Variants in ANKS1A observed in about 807,000 individuals in gnomAD.
The protein encoded by ANKS1A is ankyrin repeat and sterile alpha motif domain containing 1A.
ANKS1A carries 55 observed loss-of-function variants against 120.3 expected under a neutral mutation model. The observed-to-expected ratio is 0.46, with a 90% confidence interval of 0.37 to 0.57. The LOEUF is 0.57. Among genes scored for constraint, ANKS1A ranks in the 20% least tolerant of loss-of-function variants. ANKS1A has a pLI of 0.00. For missense variants in ANKS1A, 1,123 were observed against 1,480.3 expected (o/e 0.76, Z 3.96); for synonymous variants, 590 against 604.7 (o/e 0.98, Z 0.36).
At chr6:34,989,426 G>T (rs1772393713) in intron 9 of ANKS1A, 110 bp downstream of exon 9, 11 of 1,006,628 alleles carry the variant, frequency 1.1e-5, no homozygotes, top group Non-Finnish European at 1.5e-5. Flanking sequence ...CAGCTCTTTG[G>T]ATTATAAATT....
intron 13 of ANKS1A, among the ~76,000 whole-genome samples, chr6:35,066,558 T>G (rs1554157330): frequency 1.4e-5 from 2 of 147,842 alleles, no homozygotes; most frequent in Non-Finnish European, 1.5e-5. Flanking sequence ...GGGGTCAGAG[T>G]GGGGGGGTGC....
At chr6:35,048,911 C>T (rs941024944) in intron 11 of ANKS1A, among the ~76,000 whole-genome samples, 1 of 152,180 alleles carries the variant, frequency 6.6e-6, no homozygotes, top group East Asian at 1.9e-4. Flanking sequence ...GCAAGGCCAT[C>T]GAGCCAGAGG....
At chr6:35,096,292 C>G (rs893930040), downstream of ANKS1A, among the ~76,000 whole-genome samples, 2 of 152,212 alleles carry the variant, frequency 1.3e-5, no homozygotes, top group Non-Finnish European at 1.5e-5. Context: ...ACATCCCTCC[C>G]TCCTGGGATG....
chr6:34,985,400 C>A, intron 8 of ANKS1A, 122 bp downstream of exon 8: 1 of 925,326 alleles, frequency 1.1e-6, no homozygotes, highest in Non-Finnish European at 1.6e-6. Context: ...GGGCCTGGAG[C>A]CCACTTATTC....
intron 13 of ANKS1A, among the ~76,000 whole-genome samples, chr6:35,071,252 A>T (rs1220584142): frequency 1.4e-5 from 2 of 142,160 alleles, no homozygotes; most frequent in African/African-American, 2.9e-5. Context: ...AAATGTATGA[A>T]ATCAAAGGGA....
chr6:34,895,539 A>G (rs1404019119), intron 1 of ANKS1A, among the ~76,000 whole-genome samples: 3 of 152,120 alleles, frequency 2.0e-5, no homozygotes, highest in Non-Finnish European at 2.9e-5. Context: ...GAAAGTGCCT[A>G]TTTTGAGCAA....
chr6:34,921,478 T>C (rs1224984405), intron 1 of ANKS1A, among the ~76,000 whole-genome samples: 1 of 152,206 alleles, frequency 6.6e-6, no homozygotes, highest in African/African-American at 2.4e-5. Context: ...TCCAGCCTTT[T>C]TATAACATCG....
At chr6:35,079,023 C>T (rs1777518124) in intron 14 of ANKS1A, among the ~76,000 whole-genome samples, 1 of 152,176 alleles carries the variant, frequency 6.6e-6, no homozygotes, top group African/African-American at 2.4e-5. Flanking sequence ...GCACTGAGCC[C>T]TGGCACCGGG....
intron 11 of ANKS1A, among the ~76,000 whole-genome samples, chr6:35,039,302 G>A (rs1269774220): frequency 2.7e-5 from 4 of 149,076 alleles, no homozygotes; most frequent in East Asian, 2.0e-4. Flanking sequence ...GGGTTCAAGC[G>A]ATTCTCCTGT....
intron 13 of ANKS1A, among the ~76,000 whole-genome samples, chr6:35,063,010 T>C (rs1776592729): frequency 6.6e-6 from 1 of 152,218 alleles, no homozygotes; most frequent in South Asian, 2.1e-4. Context: ...CCATGCCCTC[T>C]TATTCTCCTC....
At chr6:34,902,689 G>A (rs1224664242) in intron 1 of ANKS1A, among the ~76,000 whole-genome samples, 1 of 151,692 alleles carries the variant, frequency 6.6e-6, no homozygotes, top group African/African-American at 2.4e-5. Flanking sequence ...TGTAGTCCCA[G>A]CTACTCGGGA....
In ANKS1A at chr6:35,050,510, A is replaced by AT. The variant is rs1002952350; in HGVS notation, c.2011-3580dup. Among the ~76,000 whole-genome samples, 10 of 151,744 alleles carry AT rather than the reference A, an allele frequency of 6.6e-5. No homozygotes were observed. The highest frequency in any genetic ancestry group is 1.7e-4 in the African/African-American group (7 of 41,310). On this transcript the variant is annotated intron_variant, in intron 11 of 23. Transcript: ENST00000360359. The surrounding 1 kb of genome is among the most constrained non-coding windows in gnomAD (Gnocchi z 4.3). Reference sequence around the variant, plus strand: ...ATTTCTGGGAAAGCTGCCTGTTCAGATTTTTTTTTAACTTAAAGCTAGGAG... The same window carrying AT: ...ATTTCTGGGAAAGCTGCCTGTTCAGATTTTTTTTTTAACTTAAAGCTAGGAG...
At chr6:34,991,403 C>T (rs1249177542) in intron 9 of ANKS1A, among the ~76,000 whole-genome samples, 2 of 151,942 alleles carry the variant, frequency 1.3e-5, no homozygotes, top group Admixed American at 6.6e-5. Context: ...GAAGTTGCAG[C>T]TGCTGGAGTA....
chr6:34,896,526 A>G (rs991036932), intron 1 of ANKS1A, among the ~76,000 whole-genome samples: 1 of 152,240 alleles, frequency 6.6e-6, no homozygotes, highest in Non-Finnish European at 1.5e-5. Context: ...AAAAGGTAAC[A>G]TGCTTGGAAA....
intron 10 of ANKS1A, among the ~76,000 whole-genome samples, chr6:34,996,305 T>G (rs189131456): frequency 6.6e-6 from 1 of 152,238 alleles, no homozygotes; most frequent in Non-Finnish European, 1.5e-5. Context: ...ATTATTGAGT[T>G]GTGAATTCTT....
chr6:35,045,450 A>G (rs1240356100), intron 11 of ANKS1A, among the ~76,000 whole-genome samples: 1 of 152,248 alleles, frequency 6.6e-6, no homozygotes. Flanking sequence ...TGACTTGTCC[A>G]AGGTTCCACA....
At chr6:35,066,901 A>C (rs1470099225) in intron 13 of ANKS1A, among the ~76,000 whole-genome samples, 1 of 152,222 alleles carries the variant, frequency 6.6e-6, no homozygotes, top group African/African-American at 2.4e-5. Context: ...CTGGCAGAGC[A>C]GATGAACAAA....
chr6:34,971,217 A>T (rs1359565363), intron 3 of ANKS1A, among the ~76,000 whole-genome samples: 1 of 152,244 alleles, frequency 6.6e-6, no homozygotes, highest in Non-Finnish European at 1.5e-5. Flanking sequence ...GATCATTTCC[A>T]TGATGTCCTC....
At chr6:34,972,780 T>G (rs1298968950) in intron 3 of ANKS1A, 1 of 291,378 alleles carries the variant, frequency 3.4e-6, no homozygotes, top group Non-Finnish European at 5.1e-6. Context: ...GTCCATCTGC[T>G]TTTGGCTTGT....
Sources: gnomAD v4.1 joint callset for allele counts (sites outside exome capture counted in the v4.1 genomes callset) on GRCh38, gnomAD v4.1.1 for gene constraint, Gnocchi (gnomAD v3.1) non-coding constraint, MANE v1.5 for transcripts, NCBI Gene and HGNC (gene_info 2026-07-23, HGNC 2026-07-21) for gene names.